The following SLC18A2 variants were observed in gnomAD, a reference collection of about 807,000 sequenced individuals.
SLC18A2 encodes synaptic vesicular amine transporter.
A neutral mutation model predicts 59.2 loss-of-function variants in SLC18A2; 33 were observed. That is an observed-to-expected ratio of 0.56 (90% CI 0.42 to 0.75). The LOEUF is 0.75. SLC18A2 is among the 30% of genes least tolerant of loss of function. SLC18A2 has a pLI of 0.00. For synonymous variants in SLC18A2, 228 were observed against 253.5 expected (o/e 0.90, Z 0.95); for missense variants, 569 against 668.6 (o/e 0.85, Z 1.64).
rs1181924842 is a variant in SLC18A2 at position 117,241,254 on chromosome 10, C to G, written c.-16+34C>G. On this transcript the variant is annotated intron_variant, in intron 1 of 15. Coordinates refer to ENST00000644641, the MANE Select transcript of SLC18A2 (RefSeq NM_003054.6). ...GCCCCGGTTCCCTGCTCGCAGGGCG[C>G]GGTGCCGGAGGGGAGCGGGCCCGGG... 6.4e-5 allele frequency: 10 copies of G among 155,648 alleles called. 1 individual carries two copies. Among genetic ancestry groups the G allele is most frequent in the Non-Finnish European group, 1.4e-4 (10 of 70,622 alleles). 9.6% of individuals were successfully genotyped at this position (155,648 alleles called of 1,614,324 possible).
intron 10 of SLC18A2, among the ~76,000 whole-genome samples, chr10:117,263,049 C>T (rs117644224): frequency 9.8e-5 from 15 of 152,330 alleles, no homozygotes; most frequent in Middle Eastern, 3.4e-3. Context: ...CGGCGCCAGA[C>T]GTTCACTCAA....
intron 3 of SLC18A2, among the ~76,000 whole-genome samples, chr10:117,246,979 C>G (rs1164663490): frequency 6.6e-6 from 1 of 152,156 alleles, no homozygotes; most frequent in African/African-American, 2.4e-5. Flanking sequence ...ATATTGTGAT[C>G]CTGATTTGTA....
intron 3 of SLC18A2, among the ~76,000 whole-genome samples, chr10:117,251,767 T>C (rs189334468): frequency 2.0e-5 from 3 of 152,246 alleles, no homozygotes; most frequent in Admixed American, 6.5e-5. Flanking sequence ...GGAAAAGCCA[T>C]GTGGGAATGG....
chr10:117,255,724 T>C, intron 9 of SLC18A2, 67 bp downstream of exon 9: 1 of 1,463,322 alleles, frequency 6.8e-7, no homozygotes, highest in East Asian at 2.3e-5. Context: ...GAGGCAGGGG[T>C]GGATGGCCAG....
At chr10:117,250,925 G>A (rs1379384852) in intron 3 of SLC18A2, among the ~76,000 whole-genome samples, 2 of 152,192 alleles carry the variant, frequency 1.3e-5, no homozygotes, top group East Asian at 3.9e-4. Context: ...CAGTATGGCT[G>A]GTGGTTTGGG....
chr10:117,272,909 G>T (rs1022691780), intron 15 of SLC18A2, among the ~76,000 whole-genome samples: 2 of 152,224 alleles, frequency 1.3e-5, no homozygotes, highest in African/African-American at 4.8e-5. Flanking sequence ...CAGGACAGCA[G>T]TGTGTGAGGG....
chr10:117,277,643 T>A lies in SLC18A2; in HGVS notation c.*377T>A, dbSNP rs1437015078. ...TCATATTGGTAATGAGTGTTTAAAA[T>A]TAAAGCACACATTATCTCTGAGACT... is the stretch of plus-strand genomic sequence containing the variant. On this transcript the variant is annotated 3_prime_UTR_variant, in exon 16 of 16. Transcript: ENST00000644641. The A allele has an allele frequency of 6.5e-6, 1 of 153,972 alleles. No individual in the cohort carries two copies. The highest frequency in any genetic ancestry group is 1.9e-4 in the East Asian group (1 of 5,260). 9.5% of individuals were successfully genotyped at this position (153,972 alleles called of 1,614,324 possible).
At chr10:117,245,798 G>T (rs1393377045) in intron 3 of SLC18A2, among the ~76,000 whole-genome samples, 1 of 152,108 alleles carries the variant, frequency 6.6e-6, no homozygotes, top group African/African-American at 2.4e-5. Context: ...AGCACAAGCT[G>T]CCTTGGACAC....
intron 3 of SLC18A2, among the ~76,000 whole-genome samples, chr10:117,250,610 C>T (rs1844153027): frequency 6.6e-6 from 1 of 152,340 alleles, no homozygotes; most frequent in Middle Eastern, 3.4e-3. Context: ...CCATGTGCTC[C>T]AGCGTCCCCA....
In SLC18A2 at chr10:117,269,280, T is replaced by G. The variant is rs1443596664; in HGVS notation, c.1187-791T>G. Among the ~76,000 whole-genome samples the G allele has an allele frequency of 1.3e-5, 2 of 151,784 alleles. No homozygotes were observed. Among genetic ancestry groups the G allele is most frequent in the Non-Finnish European group, 2.9e-5 (2 of 67,982 alleles). On this transcript the variant is annotated intron_variant, in intron 13 of 15. Coordinates refer to ENST00000644641, the MANE Select transcript of SLC18A2 (RefSeq NM_003054.6). The surrounding 1 kb of genome is among the most constrained non-coding windows in gnomAD (Gnocchi z 5.1). ...ACAGACACATACACATGCAAACACA[T>G]GTACACACATATATACACATACATA...
Position 117,253,436 on chromosome 10 carries a change from A to G in SLC18A2, c.502A>G (p.Ile168Val), listed in dbSNP as rs781568757. The part of the protein sequence containing the change: ...YPIPIFAGFC[I>V]MFVSTIMFAF... ...AATTCCCATATTTGCGGGATTCTGC[A>G]TCATGTTTGTCTCAACAATTAGTAA... The change falls in exon 4 of 16, where the codon ATC becomes GTC. Residue 168 changes from isoleucine (I) to valine (V), a missense_variant. Ile to Val is a conservative substitution (Grantham distance 29). This residue lies in a region of SLC18A2 where 377 missense variants were observed against 389.8 expected (regional missense o/e 0.97). Coordinates refer to ENST00000644641, the MANE Select transcript of SLC18A2 (RefSeq NM_003054.6). 6.2e-7 allele frequency: 1 copy of G among 1,613,808 alleles called. No homozygotes were observed. Among genetic ancestry groups the G allele is most frequent in the Non-Finnish European group, 8.5e-7 (1 of 1,179,774 alleles).
chr10:117,244,386 G>A, intron 3 of SLC18A2, 73 bp downstream of exon 3: 2 of 1,353,860 alleles, frequency 1.5e-6, no homozygotes, highest in Non-Finnish European at 2.0e-6. Context: ...CTGGAATTCT[G>A]CTTCTTACTC....
rs1052435102 is a variant in SLC18A2 at position 117,254,213 on chromosome 10, T to C, written c.607+82T>C. ...CTCATTCAGGGAATTCAGGTATTGG[T>C]GGTGGTTGGGGTGCTGGGGATTCTT... On this transcript the variant is annotated intron_variant, in intron 5 of 15. Transcript: ENST00000644641. 4.2e-6 allele frequency: 6 copies of C among 1,436,080 alleles called. No homozygotes were observed. In the African/African-American group the frequency reaches 7.0e-5, roughly 17 times the overall value. 89.0% of individuals were successfully genotyped at this position (1,436,080 alleles called of 1,614,324 possible). A position where few individuals can be genotyped will look rare whatever the true frequency, so the allele number is the denominator to read the frequency against.
At position 117,252,779 on chromosome 10, in the gene SLC18A2, TCCAGCCA is replaced by T. The variant is rs1844178851; in HGVS notation, c.465-619_465-613del. 7.9e-5 allele frequency among the ~76,000 whole-genome samples: 12 copies of T among 152,318 alleles called. No individual in the cohort carries two copies. In the South Asian group the frequency reaches 2.3e-3, roughly 29 times the overall value. Reference sequence around the variant, plus strand: ...CTAGATTAAGTGGCAGGGTCATGTGTCCAGCCAGACATGGCATAGGGGAATGCCAGGG... The same window carrying T: ...CTAGATTAAGTGGCAGGGTCATGTGTGACATGGCATAGGGGAATGCCAGGG... On this transcript the variant is annotated intron_variant, in intron 3 of 15. Coordinates refer to ENST00000644641, the MANE Select transcript of SLC18A2 (RefSeq NM_003054.6).
chr10:117,276,630 A>AAAAAAAAAAAAAAG (rs1445853665), intron 15 of SLC18A2, among the ~76,000 whole-genome samples: 1 of 22,310 alleles, frequency 4.5e-5, no homozygotes, highest in African/African-American at 1.1e-4. Context: ...AAAAAAAAAA[A>AAAAAAAAAAAAAAG]AAAGAAAGAA....
At chr10:117,260,688 T>C (rs182901348) in intron 10 of SLC18A2, among the ~76,000 whole-genome samples, 4 of 152,340 alleles carry the variant, frequency 2.6e-5, no homozygotes, top group African/African-American at 9.6e-5. Flanking sequence ...ACTGTTGAAA[T>C]CCTCAGTCAG....
intron 15 of SLC18A2, among the ~76,000 whole-genome samples, chr10:117,272,763 C>T (rs965656024): frequency 1.3e-5 from 2 of 152,150 alleles, no homozygotes; most frequent in South Asian, 2.1e-4. Flanking sequence ...GAAGGCATCA[C>T]ATTGGATGCC....
At chr10:117,247,540 C>G (rs1488230270) in intron 3 of SLC18A2, among the ~76,000 whole-genome samples, 1 of 152,230 alleles carries the variant, frequency 6.6e-6, no homozygotes, top group Non-Finnish European at 1.5e-5. Context: ...ATAAAGAATG[C>G]AGCTCAAAAT....
intron 3 of SLC18A2, among the ~76,000 whole-genome samples, chr10:117,253,013 T>C (rs1196785114): frequency 1.3e-5 from 2 of 152,256 alleles, no homozygotes; most frequent in Admixed American, 6.5e-5. Flanking sequence ...GTGGAATCAC[T>C]TGATGGCCTT....
Sources: gnomAD v4.1 joint callset for allele counts (sites outside exome capture counted in the v4.1 genomes callset) on GRCh38, gnomAD v4.1.1 for gene constraint, gnomAD v4.1.1 regional missense constraint, Gnocchi (gnomAD v3.1) non-coding constraint, MANE v1.5 for transcripts, NCBI Gene and HGNC (gene_info 2026-07-23, HGNC 2026-07-21) for gene names.